MICALL2: variants seen among roughly 807,000 people sequenced by gnomAD.
MICALL2 encodes the protein MICAL like 2, also known as MICAL-like protein 2.
Under a neutral mutation model 91.1 loss-of-function variants are expected in MICALL2, and 111 were observed. The observed-to-expected ratio is 1.22, with a 90% CI of 1.04 to 1.43. The LOEUF is 1.43. MICALL2 is among the 40% of genes most tolerant of loss of function. The probability of loss-of-function intolerance (pLI) is 0.00; values close to 1 mark genes in which losing one functional copy is unlikely to be tolerated. For missense variants in MICALL2, 1,556 were observed against 1,236.0 expected (o/e 1.26, Z -3.88); for synonymous variants, 694 against 525.3 (o/e 1.32, Z -4.39).
intron 1 of MICALL2, 34 bp downstream of exon 1, chr7:1,459,150 G>A (rs952758015): frequency 6.3e-7 from 1 of 1,587,832 alleles, no homozygotes; most frequent in Middle Eastern, 2.0e-4. Context: ...CAGCCGAACA[G>A]CAGAAGAATC....
At chr7:1,449,697 C>A (rs1206883602) in intron 2 of MICALL2, among the ~76,000 whole-genome samples, 1 of 152,362 alleles carries the variant, frequency 6.6e-6, no homozygotes, top group South Asian at 2.1e-4. Context: ...CAGGACATGC[C>A]TGCAGGGCGC....
At chr7:1,456,395 G>A (rs554472540) in intron 1 of MICALL2, among the ~76,000 whole-genome samples, 299 of 152,290 alleles carry the variant, frequency 2.0e-3, no homozygotes, top group African/African-American at 6.9e-3. Flanking sequence ...ACACCAGCCT[G>A]GCCAACATGG....
At chr7:1,447,281 G>C (rs990441284) in intron 4 of MICALL2, among the ~76,000 whole-genome samples, 2 of 152,172 alleles carry the variant, frequency 1.3e-5, no homozygotes, top group Non-Finnish European at 2.9e-5. Flanking sequence ...ACAGGGCATA[G>C]CCCAGCAACC....
At position 1,456,181 on chromosome 7, in the gene MICALL2, G is replaced by A. The variant is rs528858649; in HGVS notation, c.143+3003C>T. On this transcript the variant is annotated intron_variant, in intron 1 of 16. Transcript: ENST00000297508. Reference sequence around the variant, plus strand: ...CACATCTGTAATCCCAGCGCTTCGGGAGGCTGAGGCAGGAGGATTACTTGA... The same window carrying A: ...CACATCTGTAATCCCAGCGCTTCGGAAGGCTGAGGCAGGAGGATTACTTGA... Among the ~76,000 whole-genome samples the A allele has an allele frequency of 8.1e-5, 12 of 148,426 alleles. No homozygotes were observed. In the South Asian group the frequency reaches 1.7e-3, roughly 21 times the overall value.
intron 9 of MICALL2, 163 bp downstream of exon 9, chr7:1,439,762 A>G (rs1294638728): frequency 1.9e-6 from 1 of 514,260 alleles, no homozygotes; most frequent in East Asian, 3.5e-5. Context: ...ACATGCACAC[A>G]TGTACACACA....
At chr7:1,444,257 TCGCGGCC>T (rs1389410247) in intron 6 of MICALL2, among the ~76,000 whole-genome samples, 1 of 135,518 alleles carries the variant, frequency 7.4e-6, no homozygotes, top group African/African-American at 3.0e-5. Flanking sequence ...TGGGTCCCGC[TCGCGGCC>T]TGTCCCCGCG....
intron 1 of MICALL2, among the ~76,000 whole-genome samples, chr7:1,453,347 G>C (rs1380536541): frequency 6.6e-6 from 1 of 152,078 alleles, no homozygotes; most frequent in Non-Finnish European, 1.5e-5. Context: ...GATACAAACT[G>C]ACAGGGGAAG....
At chr7:1,439,803 T>C (rs1780193150) in intron 9 of MICALL2, 122 bp downstream of exon 9, 2 of 778,946 alleles carry the variant, frequency 2.6e-6, no homozygotes, top group Non-Finnish European at 3.7e-6. Context: ...CTTCTCTGGC[T>C]GACCGGAGCG....
chr7:1,447,172 G>T (rs956620677), intron 4 of MICALL2, among the ~76,000 whole-genome samples: 1 of 152,124 alleles, frequency 6.6e-6, no homozygotes, highest in African/African-American at 2.4e-5. Flanking sequence ...GCATAGCAGG[G>T]GCTGCCAACC....
chr7:1,440,248 C>A, intron 8 of MICALL2, 163 bp from the exon 9 acceptor site: 2 of 828,792 alleles, frequency 2.4e-6, no homozygotes, highest in Non-Finnish European at 3.7e-6. Context: ...GACCCTCCTG[C>A]AAACACACGT....
rs1780206572 is a variant in MICALL2 at position 1,440,066 on chromosome 7, GT to G, written c.1824del (p.Glu608AspfsTer29). 2 of 1,587,820 alleles carry G rather than the reference GT, an allele frequency of 1.3e-6. No individual in the cohort carries two copies. The highest frequency in any genetic ancestry group is 4.7e-5 in the East Asian group (2 of 42,368). ...SPAERTLKPK[E>X]PRALAEPRAG... ...GCCCTCGGCTCTGCCAGGGCCCGTG[GT>G]TCCTTGGGCTTCAGAGTCCTGGGCA... is the stretch of plus-strand genomic sequence containing the variant. On this transcript the variant is annotated frameshift_variant, in exon 9 of 17. Coordinates refer to ENST00000297508, the MANE Select transcript of MICALL2 (RefSeq NM_182924.4). LOFTEE classifies it high-confidence loss of function.
chr7:1,434,907 A>T, intron 16 of MICALL2, 194 bp downstream of exon 16: 1 of 722,262 alleles, frequency 1.4e-6, no homozygotes, highest in Non-Finnish European at 2.3e-6. Flanking sequence ...TGGCTCTCTT[A>T]GGGGCGGGAG....
At chr7:1,445,525 G>GT (rs570477519) in intron 5 of MICALL2, 97 bp from the exon 6 acceptor site, 2 of 1,234,286 alleles carry the variant, frequency 1.6e-6, no homozygotes, top group Non-Finnish European at 2.2e-6. Context: ...GGACTCCTGT[G>GT]TCCACTTGCG....
chr7:1,444,522 TG>T (rs1780467793), intron 6 of MICALL2, 129 bp downstream of exon 6: 1 of 898,066 alleles, frequency 1.1e-6, no homozygotes, highest in Non-Finnish European at 1.6e-6. Context: ...GGAAACAGGC[TG>T]GGGGAAGTGC....
At chr7:1,442,058 G>A (rs938248903) in intron 7 of MICALL2, 134 bp downstream of exon 7, 23 of 1,034,900 alleles carry the variant, frequency 2.2e-5, no homozygotes, top group South Asian at 2.0e-4. Flanking sequence ...CAGGTGTCAC[G>A]GAGGACAGAG....
At chr7:1,440,915 G>A (rs1780250175) in intron 7 of MICALL2, 1 of 534,802 alleles carries the variant, frequency 1.9e-6, no homozygotes, top group African/African-American at 1.9e-5. Flanking sequence ...CCTGCCTCTG[G>A]GCCTCAACTT....
In MICALL2 at chr7:1,448,724, G is replaced by A; in HGVS notation, c.230C>T (p.Ala77Val). The A allele has an allele frequency of 6.2e-7, 1 of 1,612,754 alleles. No homozygotes were observed. The highest frequency in any genetic ancestry group is 1.1e-5 in the South Asian group (1 of 91,092). Residue 77 changes from alanine to valine, a missense_variant, in exon 3 of 17, where the codon GCC becomes GTC. Physicochemically the swap from Ala to Val is moderately conservative, Grantham distance 64 (BLOSUM62 0). Coordinates refer to ENST00000297508, the MANE Select transcript of MICALL2 (RefSeq NM_182924.4). The part of the protein sequence containing the change: ...RVAEEHLGIP[A>V]LLDAEDMVAL... ...CACCATGTCCTCGGCATCCAGCAAG[G>A]CTGGGATGCCCAAGTGCTCCTCGGC... is the stretch of plus-strand genomic sequence containing the variant.
At chr7:1,458,591 C>T (rs926632934) in intron 1 of MICALL2, among the ~76,000 whole-genome samples, 6 of 152,264 alleles carry the variant, frequency 3.9e-5, no homozygotes, top group South Asian at 2.1e-4. Context: ...TGGGGAGAGA[C>T]AGCCTAGTCC....
chr7:1,458,054 C>T (rs1781080673), intron 1 of MICALL2, among the ~76,000 whole-genome samples: 1 of 152,244 alleles, frequency 6.6e-6, no homozygotes, highest in Non-Finnish European at 1.5e-5. Context: ...GCCCAAACGC[C>T]AAATGGAAGC....
Sources: allele counts gnomAD v4.1 joint callset (sites outside exome capture counted in the v4.1 genomes callset), GRCh38; gene constraint gnomAD v4.1.1; transcripts MANE v1.5; gene names NCBI Gene and HGNC (gene_info 2026-07-23, HGNC 2026-07-21).